Variants in PIK3R4 observed in about 807,000 individuals in gnomAD.
The protein encoded by PIK3R4 is phosphoinositide-3-kinase regulatory subunit 4.
In PIK3R4, 46 loss-of-function variants were observed where a neutral mutation model predicts 136.5. That is an observed-to-expected ratio of 0.34 (90% CI 0.27 to 0.43). The LOEUF (loss-of-function observed/expected upper bound fraction) is 0.43, where lower values mean the gene tolerates loss of function less well. Among genes scored for constraint, PIK3R4 ranks in the 20% least tolerant of loss-of-function variants. The probability of loss-of-function intolerance (pLI) is 1.00; values close to 1 mark genes in which losing one functional copy is unlikely to be tolerated. For missense variants in PIK3R4, 1,331 were observed against 1,649.5 expected, an observed-to-expected ratio of 0.81 and a Z score of 3.35; for synonymous variants, 557 against 566.7, an observed-to-expected ratio of 0.98 and a Z score of 0.24.
intron 16 of PIK3R4, among the ~76,000 whole-genome samples, chr3:130,682,218 T>A (rs2066463708): frequency 2.0e-5 from 3 of 152,150 alleles, no homozygotes; most frequent in Admixed American, 2.0e-4. Flanking sequence ...CAGGGGGCCC[T>A]ACATGTAATC....
At chr3:130,739,546 C>A (rs949714297) in intron 2 of PIK3R4, among the ~76,000 whole-genome samples, 5 of 151,982 alleles carry the variant, frequency 3.3e-5, no homozygotes, top group Admixed American at 6.5e-5. Flanking sequence ...TAATTTTTTA[C>A]ATTTTTTGTA....
At chr3:130,719,519 T>G (rs1033334056) in intron 7 of PIK3R4, among the ~76,000 whole-genome samples, 2 of 152,186 alleles carry the variant, frequency 1.3e-5, no homozygotes, top group Non-Finnish European at 1.5e-5. Context: ...TAATTATAAA[T>G]GAAGAAGATT....
intron 17 of PIK3R4, 80 bp downstream of exon 17, chr3:130,681,411 A>G: frequency 2.1e-6 from 2 of 937,918 alleles, no homozygotes; most frequent in Non-Finnish European, 3.5e-6. Context: ...CCCAACAGAT[A>G]CTAGGTTTGA....
chr3:130,697,357 G>C (rs1462889758), intron 13 of PIK3R4, among the ~76,000 whole-genome samples: 1 of 152,162 alleles, frequency 6.6e-6, no homozygotes, highest in Non-Finnish European at 1.5e-5. Flanking sequence ...ACAGGCATGA[G>C]CCACTGCGCA....
At chr3:130,740,256 G>C (rs2066814535) in intron 2 of PIK3R4, among the ~76,000 whole-genome samples, 1 of 152,178 alleles carries the variant, frequency 6.6e-6, no homozygotes, top group Non-Finnish European at 1.5e-5. Flanking sequence ...AGGCTAAAGA[G>C]ATATGACAAC....
intron 2 of PIK3R4, 147 bp from the exon 3 acceptor site, chr3:130,736,149 A>C (rs2066784586): frequency 3.6e-6 from 2 of 553,522 alleles, no homozygotes; most frequent in Non-Finnish European, 3.1e-6. Flanking sequence ...TACAACTACA[A>C]TCAAGCTGAC....
intron 13 of PIK3R4, among the ~76,000 whole-genome samples, chr3:130,691,711 C>A (rs1028446389): frequency 1.3e-5 from 2 of 149,266 alleles, no homozygotes; most frequent in African/African-American, 4.9e-5. Flanking sequence ...GTACTAAATA[C>A]AGAAATGTAA....
chr3:130,683,075 CT>C (rs1473725302), intron 16 of PIK3R4, among the ~76,000 whole-genome samples: 6 of 152,112 alleles, frequency 3.9e-5, no homozygotes, highest in Non-Finnish European at 8.8e-5. Context: ...ACAGGACTGG[CT>C]AATGGACTGG....
chr3:130,679,431 G>A lies in PIK3R4; in HGVS notation c.3961C>T (p.Pro1321Ser). 3 of 1,612,818 alleles carry A rather than the reference G, an allele frequency of 1.9e-6. No homozygotes were observed. The highest frequency in any genetic ancestry group is 2.5e-6 in the Non-Finnish European group (3 of 1,179,018). The change falls in exon 20 of 20, where the codon CCA becomes TCA. Residue 1321 changes from proline to serine, a missense_variant. Physicochemically the swap from Pro to Ser is moderately conservative, Grantham distance 74 (BLOSUM62 -1). This residue lies in a region of PIK3R4 where 1,180 missense variants were observed against 1,407.0 expected (regional missense o/e 0.84). Coordinates refer to ENST00000356763, the MANE Select transcript of PIK3R4 (RefSeq NM_014602.3). ...TGATGTCCCACGGGCAGGGACTCTG[G>A]GCCCCTTCGAGGGGTGTCATCACTT... ...GPSDDTPRRG[P>S]ESLPVGHHDI...
chr3:130,705,994 A>G (rs1052256394), intron 11 of PIK3R4, among the ~76,000 whole-genome samples: 5 of 152,170 alleles, frequency 3.3e-5, no homozygotes, highest in African/African-American at 1.2e-4. Context: ...TAAATCCTAC[A>G]TTTTATATAT....
intron 14 of PIK3R4, 71 bp from the exon 15 acceptor site, chr3:130,686,493 C>G: frequency 1.1e-6 from 1 of 890,124 alleles, no homozygotes; most frequent in Non-Finnish European, 1.9e-6. Flanking sequence ...TTTAAGATGA[C>G]TTTATATCCT....
At chr3:130,745,942 C>T (rs1303327900) in intron 1 of PIK3R4, among the ~76,000 whole-genome samples, 1 of 152,000 alleles carries the variant, frequency 6.6e-6, no homozygotes, top group Non-Finnish European at 1.5e-5. Flanking sequence ...ATTGCTTGAA[C>T]CCAGGACGCA....
intron 10 of PIK3R4, among the ~76,000 whole-genome samples, chr3:130,707,565 T>C (rs1163713018): frequency 6.6e-6 from 1 of 152,214 alleles, no homozygotes; most frequent in East Asian, 1.9e-4. Context: ...TTAATTTGTA[T>C]GTTTTATATA....
At chr3:130,728,932 A>ATT (rs1332791189) in intron 5 of PIK3R4, among the ~76,000 whole-genome samples, 1 of 152,170 alleles carries the variant, frequency 6.6e-6, no homozygotes, top group African/African-American at 2.4e-5. Flanking sequence ...TATCTCACTA[A>ATT]TCAAATAGTT....
chr3:130,717,914 C>T (rs1229393066), intron 8 of PIK3R4, among the ~76,000 whole-genome samples: 1 of 152,134 alleles, frequency 6.6e-6, no homozygotes, highest in Non-Finnish European at 1.5e-5. Flanking sequence ...TCACCAAGTA[C>T]TGCTAAAGGT....
chr3:130,732,235 TACA>T (rs1350700761), intron 4 of PIK3R4, among the ~76,000 whole-genome samples: 1 of 152,184 alleles, frequency 6.6e-6, no homozygotes, highest in Non-Finnish European at 1.5e-5. Flanking sequence ...AGCTAACCCT[TACA>T]ACAACCTAGA....
Position 130,733,849 on chromosome 3 carries a change from T to C in PIK3R4, c.1149A>G (p.Thr383=), listed in dbSNP as rs2066771855. Residue 383 remains threonine (T), a synonymous_variant, in exon 4 of 20, where the codon ACA becomes ACG. Coordinates refer to ENST00000356763, the MANE Select transcript of PIK3R4 (RefSeq NM_014602.3). ...AGTATTTAAGGGTCTGTAGGCAGGA[T>C]GTTATAACAGATACCAAGATAACCA... ...NGLVILVSVI[T]SCLQTLKYCD... 1 of 1,614,188 alleles carries C rather than the reference T, an allele frequency of 6.2e-7. No individual in the cohort carries two copies. The highest frequency in any genetic ancestry group is 1.1e-5 in the South Asian group (1 of 91,078).
At chr3:130,724,418 G>C (rs749784433) in intron 6 of PIK3R4, among the ~76,000 whole-genome samples, 4 of 152,010 alleles carry the variant, frequency 2.6e-5, no homozygotes, top group African/African-American at 9.7e-5. Flanking sequence ...TTGTGATGAA[G>C]CAAATATAAT....
chr3:130,702,749 T>TA (rs760669106), intron 13 of PIK3R4, among the ~76,000 whole-genome samples: 5 of 152,234 alleles, frequency 3.3e-5, no homozygotes, highest in Non-Finnish European at 5.9e-5. Context: ...TGTACAAATC[T>TA]AAAATATTTA....
Sources: gnomAD v4.1 joint callset for allele counts (sites outside exome capture counted in the v4.1 genomes callset) on GRCh38, gnomAD v4.1.1 for gene constraint, gnomAD v4.1.1 regional missense constraint, MANE v1.5 for transcripts, NCBI Gene and HGNC (gene_info 2026-07-23, HGNC 2026-07-21) for gene names.